The following CTNND2 variants were observed in gnomAD, a reference collection of about 807,000 sequenced individuals.
CTNND2 encodes the protein catenin delta-2.
In CTNND2, 22 loss-of-function variants were observed where a neutral mutation model predicts 144.4. The ratio of observed to expected loss-of-function variants is 0.15; its 90% CI spans 0.11 to 0.22. The LOEUF (loss-of-function observed/expected upper bound fraction) is 0.22. CTNND2 is among the 10% of genes least tolerant of loss of function. CTNND2 has a pLI of 1.00. For synonymous variants in CTNND2, 751 were observed against 695.6 expected (o/e 1.08, Z -1.25); for missense variants, 1,353 against 1,618.8 (o/e 0.84, Z 2.82).
intron 9 of CTNND2, among the ~76,000 whole-genome samples, chr5:11,257,699 G>A (rs1032058720): frequency 1.3e-5 from 2 of 152,196 alleles, no homozygotes; most frequent in African/African-American, 2.4e-5. Context: ...TGAGATTCAG[G>A]TGGGAACACA....
chr5:11,664,985 T>A (rs747921765), intron 2 of CTNND2, among the ~76,000 whole-genome samples: 6 of 152,142 alleles, frequency 3.9e-5, no homozygotes, highest in African/African-American at 4.8e-5. Context: ...ATTCATGAAA[T>A]GTTAATATTT....
chr5:11,707,718 C>T (rs1785784885), intron 2 of CTNND2, among the ~76,000 whole-genome samples: 1 of 151,800 alleles, frequency 6.6e-6, no homozygotes, highest in East Asian at 1.9e-4. Flanking sequence ...TACTCTCTCT[C>T]TTATGAAAAT....
intron 1 of CTNND2, among the ~76,000 whole-genome samples, chr5:11,861,401 C>T (rs1382791194): frequency 2.0e-5 from 3 of 152,198 alleles, no homozygotes; most frequent in East Asian, 1.9e-4. Context: ...GAATAGAATG[C>T]CATCCTTCCA....
chr5:11,032,883 A>G (rs1743631499), intron 16 of CTNND2, among the ~76,000 whole-genome samples: 1 of 152,240 alleles, frequency 6.6e-6, no homozygotes, highest in Non-Finnish European at 1.5e-5. Flanking sequence ...CTATGACAAG[A>G]TGGTACAACA....
intron 1 of CTNND2, among the ~76,000 whole-genome samples, chr5:11,836,018 T>C (rs2126972123): frequency 6.6e-6 from 1 of 152,336 alleles, no homozygotes; most frequent in African/African-American, 2.4e-5. Flanking sequence ...CAATGCATTT[T>C]AATTTTCATT....
At chr5:11,331,630 G>A (rs1753148866) in intron 9 of CTNND2, among the ~76,000 whole-genome samples, 1 of 152,068 alleles carries the variant, frequency 6.6e-6, no homozygotes, top group Non-Finnish European at 1.5e-5. Context: ...GAACATACCT[G>A]ACTATTTGTA....
In CTNND2 at chr5:11,362,748, T is replaced by C. The variant is rs568051720; in HGVS notation, c.1372+1948A>G. ...CTTTGAAGCAGTTAGAAGGTTACTA[T>C]TGCCTCCCTCATAGGCGGTAGGAAA... On this transcript the variant is annotated intron_variant, in intron 8 of 21. Transcript: ENST00000304623. Among the ~76,000 whole-genome samples the C allele has an allele frequency of 1.4e-4, 22 of 152,328 alleles. No homozygotes were observed. In the South Asian group the frequency reaches 2.1e-3, roughly 14 times the overall value.
At chr5:11,818,545 C>G (rs1027970672) in intron 1 of CTNND2, among the ~76,000 whole-genome samples, 1 of 152,016 alleles carries the variant, frequency 6.6e-6, no homozygotes, top group East Asian at 1.9e-4. Context: ...TTTATGTATA[C>G]TTAGTAGAGA....
chr5:11,205,834 T>C (rs1310089523), intron 10 of CTNND2, among the ~76,000 whole-genome samples: 1 of 152,216 alleles, frequency 6.6e-6, no homozygotes. Flanking sequence ...TGTTTCTTTC[T>C]CAATTGTGTT....
At chr5:11,335,547 T>C (rs545928161) in intron 9 of CTNND2, among the ~76,000 whole-genome samples, 79 of 152,258 alleles carry the variant, frequency 5.2e-4, no homozygotes, top group African/African-American at 1.7e-3. Context: ...GATGGATTAA[T>C]TGAGATATGC....
chr5:11,790,542 T>C (rs1277343295), intron 1 of CTNND2, among the ~76,000 whole-genome samples: 1 of 152,160 alleles, frequency 6.6e-6, no homozygotes, highest in Non-Finnish European at 1.5e-5. Flanking sequence ...ATGCTCACAG[T>C]GTACCTAGGG....
chr5:11,402,740 A>G (rs183081312), intron 5 of CTNND2, among the ~76,000 whole-genome samples: 48 of 152,344 alleles, frequency 3.2e-4, no homozygotes, highest in Admixed American at 1.4e-3. Context: ...GTTATGCAAG[A>G]AAGCTTCAGA....
At chr5:11,088,980 G>A (rs964565814) in intron 15 of CTNND2, among the ~76,000 whole-genome samples, 2 of 152,182 alleles carry the variant, frequency 1.3e-5, no homozygotes, top group African/African-American at 4.8e-5. Context: ...GGGACATAGA[G>A]CTGTGATCTT....
intron 2 of CTNND2, among the ~76,000 whole-genome samples, chr5:11,675,103 A>G (rs1390497330): frequency 3.3e-5 from 5 of 152,362 alleles, no homozygotes; most frequent in Admixed American, 2.0e-4. Flanking sequence ...TATTCAAACT[A>G]AGATTGTCAA....
intron 12 of CTNND2, among the ~76,000 whole-genome samples, chr5:11,137,445 CTTG>C (rs1756279407): frequency 6.6e-6 from 1 of 152,096 alleles, no homozygotes; most frequent in African/African-American, 2.4e-5. Flanking sequence ...CAGGAATTTC[CTTG>C]TTTTTTCCTT....
intron 3 of CTNND2, among the ~76,000 whole-genome samples, chr5:11,452,958 T>C (rs1360641411): frequency 3.9e-5 from 6 of 152,192 alleles, no homozygotes; most frequent in Admixed American, 3.9e-4. Context: ...GTGTTACTCA[T>C]TGATGGCTAC....
At chr5:11,432,853 T>G (rs555535756) in intron 3 of CTNND2, among the ~76,000 whole-genome samples, 6 of 152,204 alleles carry the variant, frequency 3.9e-5, no homozygotes, top group Non-Finnish European at 8.8e-5. Flanking sequence ...TGGAATTTTA[T>G]AGGGGAAAAA....
intron 2 of CTNND2, among the ~76,000 whole-genome samples, chr5:11,597,958 C>T (rs975207103): frequency 6.6e-6 from 1 of 152,172 alleles, no homozygotes; most frequent in Non-Finnish European, 1.5e-5. Context: ...GAGGACAACT[C>T]ATTTCCTATA....
intron 1 of CTNND2, among the ~76,000 whole-genome samples, chr5:11,902,332 AC>A (rs1337460309): frequency 6.6e-6 from 1 of 152,192 alleles, no homozygotes; most frequent in East Asian, 1.9e-4. Context: ...CCTATATATC[AC>A]ACGTCTCGTA....
Sources: gnomAD v4.1 joint callset for allele counts (sites outside exome capture counted in the v4.1 genomes callset) on GRCh38, gnomAD v4.1.1 for gene constraint, MANE v1.5 for transcripts, NCBI Gene and HGNC (gene_info 2026-07-23, HGNC 2026-07-21) for gene names.